The following GDA variants were observed in gnomAD, a reference collection of about 807,000 sequenced individuals.
GDA encodes the protein guanine deaminase, also known as cytoplasmic PSD-95 interactor.
In GDA, 18 loss-of-function variants were observed where a neutral mutation model predicts 59.6. That is an observed-to-expected ratio of 0.30 (90% CI 0.21 to 0.45). The LOEUF (loss-of-function observed/expected upper bound fraction) is 0.45, where lower values mean the gene tolerates loss of function less well. GDA is among the 20% of genes least tolerant of loss of function. The pLI, the probability that GDA is intolerant of heterozygous loss-of-function variation, is 1.00. For missense variants in GDA, 427 were observed against 552.3 expected, an observed-to-expected ratio of 0.77 and a Z score of 2.27; for synonymous variants, 201 against 201.1, an observed-to-expected ratio of 1.00 and a Z score of 0.00.
intron 1 of GDA, among the ~76,000 whole-genome samples, chr9:72,154,701 T>C (rs1224564961): frequency 2.6e-5 from 4 of 152,234 alleles, no homozygotes; most frequent in Non-Finnish European, 5.9e-5. Context: ...AAGTTGAGAC[T>C]TGAGAAGTCA....
chr9:72,249,295 C>A lies in GDA; in HGVS notation c.*953C>A. 1 of 985,174 alleles carries A rather than the reference C, an allele frequency of 1.0e-6. No individual in the cohort carries two copies. Among genetic ancestry groups the A allele is most frequent in the Non-Finnish European group, 1.2e-6 (1 of 829,706 alleles). The allele number at this position is 985,174 out of a possible 1,614,324, so 61.0% of individuals were successfully genotyped here. A position where few individuals can be genotyped will look rare whatever the true frequency, so the allele number is the denominator to read the frequency against. ...CAGGTTCCATTGCCATGGCCTATTCCACCCAAACAATATGTTGTAGTTTCT... is the reference window on the plus strand; with the variant it reads ...CAGGTTCCATTGCCATGGCCTATTCAACCCAAACAATATGTTGTAGTTTCT... On this transcript the variant is annotated 3_prime_UTR_variant, in exon 14 of 14. Coordinates refer to ENST00000358399, the MANE Select transcript of GDA (RefSeq NM_004293.5).
chr9:72,194,612 C>T (rs907149576), intron 1 of GDA, among the ~76,000 whole-genome samples: 8 of 152,090 alleles, frequency 5.3e-5, no homozygotes, highest in African/African-American at 1.9e-4. Context: ...CTGCAGCCAC[C>T]CCAATTTGTG....
At chr9:72,189,225 G>T (rs1023916324) in intron 1 of GDA, among the ~76,000 whole-genome samples, 1 of 136,062 alleles carries the variant, frequency 7.3e-6, no homozygotes, top group African/African-American at 3.0e-5. Flanking sequence ...TGTCACACAG[G>T]CTGGAACTAC....
At chr9:72,224,361 A>G (rs1033677502) in intron 7 of GDA, among the ~76,000 whole-genome samples, 1 of 152,188 alleles carries the variant, frequency 6.6e-6, no homozygotes, top group African/African-American at 2.4e-5. Flanking sequence ...GATGGAGTTC[A>G]TTGTCTGAGT....
downstream of GDA, among the ~76,000 whole-genome samples, chr9:72,258,621 T>C (rs1840910558): frequency 6.6e-6 from 1 of 152,228 alleles, no homozygotes; most frequent in Non-Finnish European, 1.5e-5. Flanking sequence ...ATTCAGTTAT[T>C]GAAATCCAGG....
intron 10 of GDA, among the ~76,000 whole-genome samples, chr9:72,233,361 C>T (rs1838581265): frequency 6.6e-6 from 1 of 152,012 alleles, no homozygotes; most frequent in Admixed American, 6.6e-5. Flanking sequence ...GCTTTAGGAT[C>T]CAGAAGAAAA....
intron 12 of GDA, among the ~76,000 whole-genome samples, chr9:72,246,108 C>A (rs533710165): frequency 1.3e-5 from 2 of 152,264 alleles, no homozygotes; most frequent in East Asian, 3.9e-4. Context: ...GTCACTATAA[C>A]AAGAGACAGA....
chr9:72,123,085 A>G (rs1053516312), intron 1 of GDA, among the ~76,000 whole-genome samples: 1 of 151,788 alleles, frequency 6.6e-6, no homozygotes, highest in South Asian at 2.1e-4. Flanking sequence ...TTTGTTCCCT[A>G]ATTACTTATC....
chr9:72,224,809 CT>C (rs34656645), intron 7 of GDA, among the ~76,000 whole-genome samples: 6,058 of 135,902 alleles, frequency 0.045, 107 homozygotes, highest in African/African-American at 0.057. Context: ...TAGCCCAACC[CT>C]TTTTTTTTTT....
Position 72,119,131 on chromosome 9 carries a change from G to A in GDA, c.-100+4298G>A, listed in dbSNP as rs186182284. On this transcript the variant is annotated intron_variant, in intron 1 of 13. Coordinates refer to the GDA transcript ENST00000545168. ...TTATCTATAAAGATGTTATCCTATG[G>A]TAAGTTGTAATATCAACTAGGAAAA... 4.2e-3 allele frequency among the ~76,000 whole-genome samples: 640 copies of A among 152,278 alleles called. 3 individuals carry two copies. Among genetic ancestry groups the A allele is most frequent in the African/African-American group, 0.015 (620 of 41,546 alleles).
chr9:72,176,661 T>C (rs1244811723), intron 1 of GDA, among the ~76,000 whole-genome samples: 4 of 152,176 alleles, frequency 2.6e-5, no homozygotes, highest in East Asian at 1.9e-4. Flanking sequence ...TGTTAATTGT[T>C]AGAAGCTTTT....
At chr9:72,176,681 G>A (rs976886196) in intron 1 of GDA, among the ~76,000 whole-genome samples, 1 of 152,158 alleles carries the variant, frequency 6.6e-6, no homozygotes, top group Non-Finnish European at 1.5e-5. Context: ...TTCTGTTCAT[G>A]AAATTGAAAG....
intron 3 of GDA, among the ~76,000 whole-genome samples, chr9:72,206,982 G>T (rs140474680): frequency 3.3e-5 from 5 of 151,964 alleles, no homozygotes; most frequent in African/African-American, 1.2e-4. Context: ...GCTGTAGAGA[G>T]AATTCTATTT....
intron 10 of GDA, among the ~76,000 whole-genome samples, chr9:72,236,776 AT>A (rs201065067): frequency 0.21 from 21,229 of 101,440 alleles, 1,362 homozygotes; most frequent in Admixed American, 0.33. Context: ...AACCACTCCT[AT>A]TTTTTTTTTT....
chr9:72,165,901 A>G (rs1193091574), intron 1 of GDA, among the ~76,000 whole-genome samples: 1 of 151,646 alleles, frequency 6.6e-6, no homozygotes, highest in African/African-American at 2.4e-5. Flanking sequence ...CTGTCTCAAA[A>G]AAAAAAAAAA....
chr9:72,223,023 T>C, intron 6 of GDA, 97 bp from the exon 7 acceptor site: 1 of 680,342 alleles, frequency 1.5e-6, no homozygotes. Flanking sequence ...AGGGTTTTTA[T>C]AGTTTTCGGT....
intron 6 of GDA, among the ~76,000 whole-genome samples, chr9:72,220,198 G>A (rs1277927859): frequency 1.3e-5 from 2 of 151,984 alleles, no homozygotes; most frequent in Admixed American, 6.6e-5. Context: ...AGACAATACT[G>A]CATGATCTCA....
chr9:72,223,083 T>C, intron 6 of GDA, 37 bp from the exon 7 acceptor site: 1 of 1,012,886 alleles, frequency 9.9e-7, no homozygotes. Context: ...GTATATGATG[T>C]AAGGAAGAGG....
At chr9:72,208,904 A>G (rs1835035842) in intron 3 of GDA, among the ~76,000 whole-genome samples, 1 of 152,196 alleles carries the variant, frequency 6.6e-6, no homozygotes, top group Admixed American at 6.5e-5. Flanking sequence ...AAAATTTTCT[A>G]AAGTACTTAG....
Sources: gnomAD v4.1 joint callset for allele counts (sites outside exome capture counted in the v4.1 genomes callset) on GRCh38, gnomAD v4.1.1 for gene constraint, MANE v1.5 for transcripts, NCBI Gene and HGNC (gene_info 2026-07-23, HGNC 2026-07-21) for gene names.